NDUFA12: variants seen among roughly 807,000 people sequenced by gnomAD.
The protein encoded by NDUFA12 is NADH dehydrogenase [ubiquinone] 1 alpha subcomplex subunit 12.
NDUFA12 carries 17 observed loss-of-function variants against 20.3 expected under a neutral mutation model. That is an observed-to-expected ratio of 0.84 (90% CI 0.57 to 1.26). The LOEUF (loss-of-function observed/expected upper bound fraction) is 1.26. Among genes scored for constraint, NDUFA12 ranks in the 50% most tolerant of loss-of-function variants. NDUFA12 has a pLI of 0.00. For synonymous variants in NDUFA12, 72 were observed against 63.6 expected (o/e 1.13, Z -0.63); for missense variants, 191 against 183.7 (o/e 1.04, Z -0.23).
intron 2 of NDUFA12, chr12:94,997,111 C>T (rs560373296): frequency 1.3e-4 from 32 of 252,244 alleles, no homozygotes; most frequent in Non-Finnish European, 1.7e-4. Context: ...GAGGCTAAGG[C>T]GGGAGGATTG....
chr12:94,971,840 A>C, intron 3 of NDUFA12: 1 of 719,644 alleles, frequency 1.4e-6, no homozygotes, highest in East Asian at 2.5e-5. Flanking sequence ...GACATAAAGC[A>C]CATAGAAAAA....
At chr12:95,001,995 G>A (rs1447926635) in intron 2 of NDUFA12, among the ~76,000 whole-genome samples, 3 of 151,620 alleles carry the variant, frequency 2.0e-5, no homozygotes, top group African/African-American at 7.3e-5. Context: ...GAGCCACCGC[G>A]CCCAGCCGAA....
intron 3 of NDUFA12, among the ~76,000 whole-genome samples, chr12:94,991,511 C>T (rs986544072): frequency 6.6e-6 from 1 of 151,588 alleles, no homozygotes; most frequent in African/African-American, 2.4e-5. Flanking sequence ...GTGGATCACT[C>T]GGGGCCAGGA....
At chr12:94,972,233 C>T (rs910176007) in intron 3 of NDUFA12, among the ~76,000 whole-genome samples, 4 of 152,104 alleles carry the variant, frequency 2.6e-5, no homozygotes, top group Non-Finnish European at 5.9e-5. Context: ...CGGCCCATTA[C>T]TGTATCTTAT....
chr12:95,003,513 A>G, intron 1 of NDUFA12, 82 bp downstream of exon 1: 13 of 1,410,406 alleles, frequency 9.2e-6, no homozygotes, highest in Non-Finnish European at 1.3e-5. Context: ...CTCCAAGGTG[A>G]CCCGAGCCTG....
chr12:95,003,546 C>G, intron 1 of NDUFA12, 49 bp downstream of exon 1: 1 of 1,588,348 alleles, frequency 6.3e-7, no homozygotes, highest in Middle Eastern at 1.7e-4. Context: ...AGAAATCAGC[C>G]AGCGAAAGTC....
chr12:94,985,440 T>C (rs1029369555), intron 3 of NDUFA12, among the ~76,000 whole-genome samples: 35 of 151,434 alleles, frequency 2.3e-4, no homozygotes, highest in Admixed American at 9.2e-4. Flanking sequence ...CTGGCTAACA[T>C]GGTGAAACCT....
At chr12:94,985,836 G>A (rs1874416435) in intron 3 of NDUFA12, among the ~76,000 whole-genome samples, 1 of 152,098 alleles carries the variant, frequency 6.6e-6, no homozygotes, top group East Asian at 1.9e-4. Flanking sequence ...TGTAATCCCA[G>A]CACTCTGGGA....
chr12:95,002,570 T>C (rs925272997), intron 2 of NDUFA12, among the ~76,000 whole-genome samples, 169 bp downstream of exon 2: 1 of 152,154 alleles, frequency 6.6e-6, no homozygotes, highest in Non-Finnish European at 1.5e-5. Flanking sequence ...CATACCTTCA[T>C]TGGCTGTTTA....
At chr12:94,998,433 C>A (rs950896373) in intron 2 of NDUFA12, among the ~76,000 whole-genome samples, 1 of 152,140 alleles carries the variant, frequency 6.6e-6, no homozygotes, top group Non-Finnish European at 1.5e-5. Context: ...GACAAGGATG[C>A]CCACATTCAC....
chr12:95,000,463 CA>C lies in NDUFA12; in HGVS notation c.169+2275del, dbSNP rs1195870244. Among the ~76,000 whole-genome samples the C allele has an allele frequency of 5.3e-5, 8 of 152,264 alleles. No individual in the cohort carries two copies. The East Asian group carries it at 1.5e-3, about 29-fold the overall frequency. On this transcript the variant is annotated intron_variant, in intron 2 of 3. Coordinates refer to ENST00000327772, the MANE Select transcript of NDUFA12 (RefSeq NM_018838.5). The stretch of plus-strand genomic sequence containing the variant: ...TCCAAAAACTATTGAAATAAAAAAA[CA>C]AAAAATGAATAGAATTATCTGCCCC...
chr12:94,972,615 G>C, intron 3 of NDUFA12: 4 of 311,122 alleles, frequency 1.3e-5, no homozygotes, highest in South Asian at 1.0e-4. Context: ...TATAATCCCA[G>C]CACTTTGGGA....
chr12:94,980,816 GTTT>G (rs199682565), intron 3 of NDUFA12, among the ~76,000 whole-genome samples: 4 of 146,336 alleles, frequency 2.7e-5, no homozygotes, highest in African/African-American at 1.0e-4. Flanking sequence ...GTCTTGCTTT[GTTT>G]TTTTTTTTAA....
intron 3 of NDUFA12, among the ~76,000 whole-genome samples, chr12:94,990,531 T>C (rs1182647147): frequency 6.6e-6 from 1 of 152,118 alleles, no homozygotes; most frequent in Non-Finnish European, 1.5e-5. Context: ...GAAGGGATCC[T>C]CCCACCTCAG....
chr12:94,997,940 A>G (rs1173323856), intron 2 of NDUFA12, among the ~76,000 whole-genome samples: 1 of 152,202 alleles, frequency 6.6e-6, no homozygotes, highest in African/African-American at 2.4e-5. Context: ...GTCTGGAGAC[A>G]TTTTTGGTTT....
chr12:94,997,418 A>G (rs1243523546), intron 2 of NDUFA12: 3 of 152,248 alleles, frequency 2.0e-5, no homozygotes, highest in Admixed American at 1.3e-4. Flanking sequence ...CACCTAGCAC[A>G]TGGTAATCAC....
rs774252307 is a variant in NDUFA12 at position 95,003,612 on chromosome 12, A to C, written c.69T>G (p.Tyr23Ter). 6 of 1,614,190 alleles carry C rather than the reference A, an allele frequency of 3.7e-6. No homozygotes were observed. In the Admixed American group the frequency reaches 1.0e-4, roughly 27 times the overall value. ...CCGCCTACCTGAAAAAAACCCGTAGATAGCCTCGGAGACCGCCGTGGCCGG... is the reference window on the plus strand; with the variant it reads ...CCGCCTACCTGAAAAAAACCCGTAGCTAGCCTCGGAGACCGCCGTGGCCGG... ...QITGHGGLRG[Y>*]LRVFFRTNDA... is the part of the protein sequence containing the mutation. The change falls in exon 1 of 4, where the codon TAT becomes TAG. Residue 23 changes from tyrosine to a stop codon, truncating the protein, a stop_gained. Transcript: ENST00000327772. LOFTEE classifies it high-confidence loss of function.
chr12:94,974,914 TAGTC>T lies in NDUFA12; in HGVS notation c.258-3298_258-3295del, dbSNP rs750270203. The stretch of plus-strand genomic sequence containing the variant: ...GATGGTTAATGGGTATAAAAAAAAA[TAGTC>T]AGAAAGAATGAATAAGACCTAGTAT... On this transcript the variant is annotated intron_variant, in intron 3 of 3. Transcript: ENST00000327772. Among the ~76,000 whole-genome samples, 603 of 152,132 alleles carry T rather than the reference TAGTC, an allele frequency of 4.0e-3. 2 individuals are homozygous for T. The highest frequency in any genetic ancestry group is 0.027 in the Middle Eastern group (8 of 294).
chr12:94,992,780 A>G (rs1308481978), intron 3 of NDUFA12, among the ~76,000 whole-genome samples: 1 of 152,206 alleles, frequency 6.6e-6, no homozygotes, highest in Non-Finnish European at 1.5e-5. Flanking sequence ...ACAAGTTTTC[A>G]GATGATTCCA....
Sources: allele counts gnomAD v4.1 joint callset (sites outside exome capture counted in the v4.1 genomes callset), GRCh38; gene constraint gnomAD v4.1.1; transcripts MANE v1.5; gene names NCBI Gene and HGNC (gene_info 2026-07-23, HGNC 2026-07-21).